TOPBP1: variants seen among roughly 807,000 people sequenced by gnomAD.
TOPBP1 encodes the protein DNA topoisomerase 2-binding protein 1.
Under a neutral mutation model 167.7 loss-of-function variants are expected in TOPBP1, and 28 were observed. That is an observed-to-expected ratio of 0.17 (90% CI 0.12 to 0.23). TOPBP1 has a LOEUF of 0.23. Among genes scored for constraint, TOPBP1 ranks in the 10% least tolerant of loss-of-function variants. The pLI, the probability that TOPBP1 is intolerant of heterozygous loss-of-function variation, is 1.00. For missense variants in TOPBP1, 1,554 were observed against 1,809.6 expected (o/e 0.86, Z 2.56); for synonymous variants, 598 against 611.4 (o/e 0.98, Z 0.32).
At chr3:133,632,774 TTTC>T (rs1324671632) in intron 14 of TOPBP1, among the ~76,000 whole-genome samples, 6 of 152,136 alleles carry the variant, frequency 3.9e-5, no homozygotes, top group Non-Finnish European at 8.8e-5. Context: ...CATATAGTTA[TTTC>T]TTCTTCTTTT....
rs1936622699 is a variant in TOPBP1 at position 133,659,891 on chromosome 3, T to C, written c.85-741A>G. Among the ~76,000 whole-genome samples, 4 of 152,192 alleles carry C rather than the reference T, an allele frequency of 2.6e-5. No individual in the cohort carries two copies. The South Asian group carries it at 8.3e-4, about 32-fold the overall frequency. Reference sequence around the variant, plus strand: ...CCAATTTTGAGGTCCTTATGTTAAATACAGTAATCCCTTTAAAACTGTAAG... The same window carrying C: ...CCAATTTTGAGGTCCTTATGTTAAACACAGTAATCCCTTTAAAACTGTAAG... On this transcript the variant is annotated intron_variant, in intron 2 of 27. Transcript: ENST00000260810.
intron 14 of TOPBP1, among the ~76,000 whole-genome samples, chr3:133,631,561 C>A (rs531038270): frequency 7.2e-5 from 11 of 152,226 alleles, no homozygotes; most frequent in Admixed American, 5.9e-4. Flanking sequence ...ACTGTAATCC[C>A]CAATGATGGA....
intron 27 of TOPBP1, among the ~76,000 whole-genome samples, chr3:133,607,964 C>G (rs777026261): frequency 6.6e-6 from 1 of 152,142 alleles, no homozygotes; most frequent in Non-Finnish European, 1.5e-5. Flanking sequence ...CAGTTGAAAT[C>G]CTTCATAGAT....
At chr3:133,622,838 T>C (rs1409178991) in intron 19 of TOPBP1, among the ~76,000 whole-genome samples, 1 of 152,196 alleles carries the variant, frequency 6.6e-6, no homozygotes, top group African/African-American at 2.4e-5. Context: ...ACACTTAAAC[T>C]ACATAAAACT....
intron 27 of TOPBP1, among the ~76,000 whole-genome samples, chr3:133,602,982 G>A (rs531750008): frequency 2.8e-5 from 4 of 143,796 alleles, no homozygotes; most frequent in East Asian, 2.1e-4. Flanking sequence ...TGCAGCCTCC[G>A]CCTCACAGGT....
intron 19 of TOPBP1, 77 bp from the exon 20 acceptor site, chr3:133,620,424 G>A: frequency 6.9e-7 from 1 of 1,453,716 alleles, no homozygotes; most frequent in Non-Finnish European, 9.3e-7. Context: ...ATTTTGTTTA[G>A]ACCTGGTTGA....
At chr3:133,660,765 C>T (rs971722590) in intron 2 of TOPBP1, among the ~76,000 whole-genome samples, 2 of 152,168 alleles carry the variant, frequency 1.3e-5, no homozygotes, top group African/African-American at 4.8e-5. Context: ...CAAAGGACCA[C>T]TCTGGCTAGG....
Position 133,638,043 on chromosome 3 carries a change from G to A in TOPBP1, c.2353C>T (p.Arg785Cys), listed in dbSNP as rs1042860875. ...KTVVTPLDMN[R>C]FQSKAFRAVV... ...GCACGGAAAGCTTTACTCTGAAAGC[G>A]GTTCATATCTAAAGGTGTAACGACG... The change falls in exon 14 of 28, where the codon CGC becomes TGC. Residue 785 changes from arginine (R) to cysteine (C), a missense_variant. Arg to Cys is a radical substitution (Grantham distance 180). This residue lies in a region of TOPBP1 where 1,197 missense variants were observed against 1,351.5 expected (regional missense o/e 0.89). Transcript: ENST00000260810. The A allele has an allele frequency of 6.2e-6, 10 of 1,613,860 alleles. No homozygotes were observed. The highest frequency in any genetic ancestry group is 3.3e-5 in the Admixed American group (2 of 60,002).
rs1167786643 is a variant in TOPBP1 at position 133,623,471 on chromosome 3, G to A, written c.2929-14C>T. The A allele has an allele frequency of 1.9e-6, 3 of 1,600,692 alleles. No individual in the cohort carries two copies. The highest frequency in any genetic ancestry group is 2.6e-6 in the Non-Finnish European group (3 of 1,171,974). The stretch of plus-strand genomic sequence containing the variant: ...CTCTTGGGCACACTGCAATACAATG[G>A]TGTGCTTTAAGACAGGACTGACAAA... On this transcript the variant is annotated splice_polypyrimidine_tract_variant and intron_variant, in intron 17 of 27. Coordinates refer to ENST00000260810, the MANE Select transcript of TOPBP1 (RefSeq NM_007027.4).
Position 133,640,139 on chromosome 3 carries a change from C to A in TOPBP1, c.2053G>T (p.Ala685Ser), listed in dbSNP as rs762822056. 2 of 1,613,578 alleles carry A rather than the reference C, an allele frequency of 1.2e-6. No homozygotes were observed. The highest frequency in any genetic ancestry group is 3.3e-5 in the Admixed American group (2 of 59,910). ...GTACTGGCAAACATGCCTTTCTTTGCATTGGATTTGCGAACAAAGTATTCT... is the reference window on the plus strand; with the variant it reads ...GTACTGGCAAACATGCCTTTCTTTGAATTGGATTTGCGAACAAAGTATTCT... ...VQEYFVRKSNAKKGMFASTHL... is the reference protein window; with the variant it reads ...VQEYFVRKSNSKKGMFASTHL... Residue 685 changes from alanine (A) to serine (S), a missense_variant, in exon 13 of 28, where the codon GCA (alanine) becomes TCA (serine). Ala to Ser is a moderately conservative substitution (Grantham distance 99, BLOSUM62 1). Around this residue, in one of 3 missense-constraint regions of TOPBP1, gnomAD observed 1,197 missense variants for 1,351.5 expected, o/e 0.89. Coordinates refer to ENST00000260810, the MANE Select transcript of TOPBP1 (RefSeq NM_007027.4).
chr3:133,613,479 G>A (rs10512904), intron 23 of TOPBP1, among the ~76,000 whole-genome samples: 21,280 of 152,136 alleles, frequency 0.14, 1,830 homozygotes, highest in Non-Finnish European at 0.2. Flanking sequence ...GGTAACCAGG[G>A]AGATGGAAGT....
chr3:133,623,598 C>A, intron 17 of TOPBP1, 141 bp from the exon 18 acceptor site: 1 of 962,398 alleles, frequency 1.0e-6, no homozygotes, highest in Non-Finnish European at 1.4e-6. Context: ...GTAGTTTACA[C>A]TGAAAAATTT....
intron 14 of TOPBP1, among the ~76,000 whole-genome samples, chr3:133,632,848 C>T (rs1935533894): frequency 6.6e-6 from 1 of 152,190 alleles, no homozygotes; most frequent in Non-Finnish European, 1.5e-5. Context: ...TCACTGCCCA[C>T]TGCGTCCTCT....
chr3:133,618,303 T>C lies in TOPBP1; in HGVS notation c.3502A>G (p.Thr1168Ala). Residue 1168 changes from threonine (T) to alanine (A), a missense_variant, in exon 21 of 28, where the codon ACA (threonine) becomes GCA (alanine). Coordinates refer to ENST00000260810, the MANE Select transcript of TOPBP1 (RefSeq NM_007027.4). ...TCAACCTGAAGCTCAGAGTATTGTG[T>C]GGGACAACTAGGCCACTGCAAATTG... ...ASNLQWPSCPTQYSELQVDIQ... is the reference protein window; with the variant it reads ...ASNLQWPSCPAQYSELQVDIQ... 6.2e-7 allele frequency: 1 copy of C among 1,614,026 alleles called. No homozygotes were observed. The highest frequency in any genetic ancestry group is 8.5e-7 in the Non-Finnish European group (1 of 1,179,872).
intron 27 of TOPBP1, among the ~76,000 whole-genome samples, chr3:133,606,750 T>C (rs1161245018): frequency 6.6e-6 from 1 of 152,096 alleles, no homozygotes; most frequent in Non-Finnish European, 1.5e-5. Flanking sequence ...GCCAAAGCTT[T>C]TGTGGGAAAG....
At chr3:133,622,259 C>T (rs71331724) in intron 19 of TOPBP1, among the ~76,000 whole-genome samples, 1 of 139,912 alleles carries the variant, frequency 7.1e-6, no homozygotes, top group African/African-American at 2.7e-5. Context: ...GGCATGATCT[C>T]GGCTCACCGC....
intron 21 of TOPBP1, 53 bp downstream of exon 21, chr3:133,618,160 A>G (rs916208926): frequency 1.4e-6 from 2 of 1,437,488 alleles, no homozygotes; most frequent in African/African-American, 2.8e-5. Flanking sequence ...TTTATTTTTA[A>G]GAGGTCAACA....
At chr3:133,608,426 G>T in intron 27 of TOPBP1, 109 bp downstream of exon 27, 2 of 1,212,642 alleles carry the variant, frequency 1.6e-6, no homozygotes, top group Non-Finnish European at 2.3e-6. Context: ...AATAACAGGA[G>T]ACTAATCTTC....
At position 133,629,783 on chromosome 3, in the gene TOPBP1, GTGTA is replaced by G. The variant is rs986504715; in HGVS notation, c.2521-1054_2521-1051del. ...TAAATATCTTTATATGTGTGTGTGT[GTGTA>G]TATATATATATATTTTTGAGACGGA... On this transcript the variant is annotated intron_variant, in intron 14 of 27. Transcript: ENST00000260810. Among the ~76,000 whole-genome samples the G allele has an allele frequency of 5.3e-4, 80 of 152,116 alleles. 1 individual carries two copies. Among genetic ancestry groups the G allele is most frequent in the Middle Eastern group, 3.4e-3 (1 of 294 alleles).
Sources: gnomAD v4.1 joint callset for allele counts (sites outside exome capture counted in the v4.1 genomes callset) on GRCh38, gnomAD v4.1.1 for gene constraint, gnomAD v4.1.1 regional missense constraint, MANE v1.5 for transcripts, NCBI Gene and HGNC (gene_info 2026-07-23, HGNC 2026-07-21) for gene names.